MARCHF5: variants seen among roughly 807,000 people sequenced by gnomAD.
MARCHF5 encodes the protein E3 ubiquitin-protein ligase MARCHF5.
Under a neutral mutation model 36.5 loss-of-function variants are expected in MARCHF5, and 5 were observed. The ratio of observed to expected loss-of-function variants is 0.14; its 90% confidence interval spans 0.07 to 0.29. The LOEUF (loss-of-function observed/expected upper bound fraction) is 0.29. Ranked by LOEUF, MARCHF5 falls within the 10% of genes least tolerant of loss-of-function variation. The pLI is 1.00. For synonymous variants in MARCHF5, 103 were observed against 109.9 expected, an observed-to-expected ratio of 0.94 and a Z score of 0.39; for missense variants, 179 against 336.3, an observed-to-expected ratio of 0.53 and a Z score of 3.66.
At chr10:92,330,172 G>A (rs1201024770) in intron 2 of MARCHF5, among the ~76,000 whole-genome samples, 2 of 152,078 alleles carry the variant, frequency 1.3e-5, no homozygotes, top group Non-Finnish European at 2.9e-5. Context: ...GCCCTCATTG[G>A]TTACCTTCTT....
At chr10:92,347,235 G>A (rs577791403) in intron 3 of MARCHF5, among the ~76,000 whole-genome samples, 1 of 152,214 alleles carries the variant, frequency 6.6e-6, no homozygotes, top group East Asian at 1.9e-4. Flanking sequence ...TATAATCCCA[G>A]CACTTTGGGG....
chr10:92,299,044 CA>C (rs1316226317), intron 1 of MARCHF5, among the ~76,000 whole-genome samples: 2 of 151,806 alleles, frequency 1.3e-5, no homozygotes, highest in African/African-American at 4.8e-5. Context: ...CAGGCTGTCT[CA>C]AACTCCTGTT....
chr10:92,322,852 C>T (rs1018481256), intron 2 of MARCHF5, among the ~76,000 whole-genome samples: 1 of 151,726 alleles, frequency 6.6e-6, no homozygotes. Flanking sequence ...ATTCTCCTGC[C>T]TCAGCCTCCT....
Position 92,311,402 on chromosome 10 carries a change from A to G in MARCHF5, c.238+65A>G. The G allele has an allele frequency of 2.6e-6, 3 of 1,143,766 alleles. No homozygotes were observed. In the South Asian group the frequency reaches 4.8e-5, roughly 18 times the overall value. The allele number at this position is 1,143,766 out of a possible 1,614,324, so 70.9% of individuals were successfully genotyped here. The stretch of plus-strand genomic sequence containing the variant: ...TTATTATATATAACTTTATAAGTTC[A>G]TTTTAAAATGAACCACCTCTTTTTT... On this transcript the variant is annotated intron_variant, in intron 2 of 5. Transcript: ENST00000358935.
Position 92,352,388 on chromosome 10 carries a change from A to G in MARCHF5, c.*1181A>G, listed in dbSNP as rs1232120795. ...TCAACACTAATGTTTTTAGATTTTA[A>G]TTGTCCTATTGATGAGGCTAGCACC... On this transcript the variant is annotated 3_prime_UTR_variant, in exon 6 of 6. Transcript: ENST00000358935. The G allele has an allele frequency of 1.3e-5, 2 of 152,196 alleles. No individual in the cohort carries two copies. The highest frequency in any genetic ancestry group is 2.9e-5 in the Non-Finnish European group (2 of 68,028). 9.4% of individuals were successfully genotyped at this position (152,196 alleles called of 1,614,324 possible). A position where few individuals can be genotyped will look rare whatever the true frequency, so the allele number is the denominator to read the frequency against.
At chr10:92,341,085 C>G (rs1364355026) in intron 3 of MARCHF5, among the ~76,000 whole-genome samples, 1 of 152,134 alleles carries the variant, frequency 6.6e-6, no homozygotes, top group African/African-American at 2.4e-5. Flanking sequence ...CAACTTGTCT[C>G]TTGTGGATAG....
intron 2 of MARCHF5, among the ~76,000 whole-genome samples, chr10:92,313,600 G>A (rs541904750): frequency 2.6e-4 from 39 of 151,426 alleles, no homozygotes; most frequent in South Asian, 6.3e-4. Context: ...GCGAGACGCC[G>A]TGCTAAAAAA....
intron 1 of MARCHF5, among the ~76,000 whole-genome samples, chr10:92,305,399 T>C (rs913713077): frequency 3.4e-5 from 5 of 146,362 alleles, no homozygotes; most frequent in African/African-American, 1.3e-4. Context: ...AGAGCGAGAC[T>C]CCGTCTCCAA....
At chr10:92,331,453 A>AT (rs1409576311) in intron 2 of MARCHF5, among the ~76,000 whole-genome samples, 1 of 151,984 alleles carries the variant, frequency 6.6e-6, no homozygotes, top group Non-Finnish European at 1.5e-5. Flanking sequence ...TTTACCTAAA[A>AT]TTTTCTTAAC....
chr10:92,294,734 G>A (rs1185976538), intron 1 of MARCHF5, among the ~76,000 whole-genome samples: 1 of 152,102 alleles, frequency 6.6e-6, no homozygotes, highest in Non-Finnish European at 1.5e-5. Flanking sequence ...TTGCTTTTAG[G>A]TTAAGTTACG....
chr10:92,296,538 A>C (rs1348903821), intron 1 of MARCHF5, among the ~76,000 whole-genome samples: 1 of 152,204 alleles, frequency 6.6e-6, no homozygotes, highest in Non-Finnish European at 1.5e-5. Flanking sequence ...CAATGCAAAG[A>C]ATATTATAAC....
At chr10:92,340,113 C>A (rs896799189) in intron 2 of MARCHF5, among the ~76,000 whole-genome samples, 2 of 152,120 alleles carry the variant, frequency 1.3e-5, no homozygotes, top group Non-Finnish European at 2.9e-5. Context: ...ATACGAGAAT[C>A]TAATTGTTGC....
In MARCHF5 at chr10:92,349,408, A is replaced by C; in HGVS notation, c.429A>C (p.Leu143Phe). Residue 143 changes from leucine (L) to phenylalanine (F), a missense_variant, in exon 4 of 6, where the codon TTA (leucine) becomes TTC (phenylalanine). This residue lies in a region of MARCHF5 where 66 missense variants were observed against 180.5 expected (regional missense o/e 0.37). Coordinates refer to ENST00000358935, the MANE Select transcript of MARCHF5 (RefSeq NM_017824.5). Reference sequence around the variant, plus strand: ...AGAGAGCTGATCCTTTATTCCTTTTAATTGGACTTCCTACTATTCCTGTCA... The same window carrying C: ...AGAGAGCTGATCCTTTATTCCTTTTCATTGGACTTCCTACTATTCCTGTCA... ...VMERADPLFL[L>F]IGLPTIPVML... The C allele has an allele frequency of 1.2e-6, 2 of 1,614,094 alleles. No individual in the cohort carries two copies. The highest frequency in any genetic ancestry group is 1.7e-6 in the Non-Finnish European group (2 of 1,179,992).
chr10:92,346,532 C>T (rs1843646902), intron 3 of MARCHF5, among the ~76,000 whole-genome samples: 1 of 115,826 alleles, frequency 8.6e-6, no homozygotes, highest in Non-Finnish European at 1.7e-5. Flanking sequence ...GAGTTTCACT[C>T]TTGTTGCTCA....
chr10:92,302,530 C>T (rs1242567855), intron 1 of MARCHF5, among the ~76,000 whole-genome samples: 8 of 151,588 alleles, frequency 5.3e-5, no homozygotes, highest in Non-Finnish European at 5.9e-5. Flanking sequence ...CTGCAACCTC[C>T]GCCTCCCGAG....
intron 2 of MARCHF5, among the ~76,000 whole-genome samples, chr10:92,321,234 G>A (rs1843285859): frequency 6.6e-6 from 1 of 152,092 alleles, no homozygotes; most frequent in Admixed American, 6.5e-5. Context: ...ACACGTGAGT[G>A]TATGTTAACT....
chr10:92,319,297 C>CTTTTTTTTTTTTTTT (rs35540447), intron 2 of MARCHF5, among the ~76,000 whole-genome samples: 2 of 142,402 alleles, frequency 1.4e-5, no homozygotes, highest in Non-Finnish European at 1.5e-5. Context: ...ATCTACTTTA[C>CTTTTTTTTTTTTTTT]TTTTTTTTTT....
chr10:92,347,107 G>A (rs576886913), intron 3 of MARCHF5, among the ~76,000 whole-genome samples: 32 of 152,164 alleles, frequency 2.1e-4, no homozygotes, highest in South Asian at 4.1e-4. Flanking sequence ...TACTCAGGAG[G>A]GTGAGGTGGG....
At chr10:92,350,669 G>A (rs1292186782) in intron 5 of MARCHF5, among the ~76,000 whole-genome samples, 1 of 152,046 alleles carries the variant, frequency 6.6e-6, no homozygotes, top group African/African-American at 2.4e-5. Flanking sequence ...CTCAGTGTGA[G>A]TTTACTCACA....
Sources: allele counts gnomAD v4.1 joint callset (sites outside exome capture counted in the v4.1 genomes callset), GRCh38; gene constraint gnomAD v4.1.1; regional missense constraint gnomAD v4.1.1; transcripts MANE v1.5; gene names NCBI Gene and HGNC (gene_info 2026-07-23, HGNC 2026-07-21).